Variants in KIF27 observed in about 807,000 individuals in gnomAD.
KIF27 encodes kinesin-like protein KIF27.
KIF27 carries 84 observed loss-of-function variants against 141.8 expected under a neutral mutation model. The observed-to-expected ratio is 0.59, with a 90% CI of 0.50 to 0.71. KIF27 has a LOEUF of 0.71. Ranked by LOEUF, KIF27 falls within the 30% of genes least tolerant of loss-of-function variation. KIF27 has a pLI of 0.00. For missense variants in KIF27, 1,306 were observed against 1,628.4 expected, an observed-to-expected ratio of 0.80 and a Z score of 3.41; for synonymous variants, 471 against 569.5, an observed-to-expected ratio of 0.83 and a Z score of 2.46.
At chr9:83,910,051 CTAAATACA>C (rs1954981512) in intron 2 of KIF27, among the ~76,000 whole-genome samples, 1 of 129,676 alleles carries the variant, frequency 7.7e-6, no homozygotes, top group Non-Finnish European at 1.6e-5. Context: ...GACCCTTTCT[CTAAATACA>C]TACATACATA....
At chr9:83,840,784 T>A (rs3095764) in intron 17 of KIF27, among the ~76,000 whole-genome samples, 2 of 152,264 alleles carry the variant, frequency 1.3e-5, no homozygotes, top group Non-Finnish European at 2.9e-5. Context: ...TGTATTACTA[T>A]ACTGAGAATC....
In KIF27 at chr9:83,908,481, T is replaced by C. The variant is rs1168950204; in HGVS notation, c.470A>G (p.His157Arg). ...GTTTCCTTTTTCATCTTCTCGGATGTGAAGATCCTTCATGGATGTCTCCAA... is the reference window on the plus strand; with the variant it reads ...GTTTCCTTTTTCATCTTCTCGGATGCGAAGATCCTTCATGGATGTCTCCAA... The part of the protein sequence containing the change: ...LELETSMKDL[H>R]IREDEKGNTV... The change falls in exon 3 of 18, where the codon CAC becomes CGC. Residue 157 changes from histidine (H) to arginine (R), a missense_variant. Transcript: ENST00000297814. 1.9e-6 allele frequency: 3 copies of C among 1,611,318 alleles called. No homozygotes were observed. The highest frequency in any genetic ancestry group is 1.7e-6 in the Non-Finnish European group (2 of 1,178,390).
chr9:83,889,249 T>C lies in KIF27; in HGVS notation c.1814A>G (p.His605Arg), dbSNP rs1273240986. Residue 605 changes from histidine (H) to arginine (R), a missense_variant, in exon 7 of 18, where the codon CAC becomes CGC. By Grantham distance (29) the His-to-Arg change is conservative. This residue lies in a region of KIF27 where 596 missense variants were observed against 751.6 expected (regional missense o/e 0.79). Transcript: ENST00000297814. The part of the protein sequence containing the change: ...IPSRQDSRKV[H>R]TSPPMYSLDR... Reference sequence around the variant, plus strand: ...CAGAGAGTACATAGGCGGACTTGTGTGGACCTTGCAAGTGATTCCCCCACC... The same window carrying C: ...CAGAGAGTACATAGGCGGACTTGTGCGGACCTTGCAAGTGATTCCCCCACC... 1.9e-6 allele frequency: 3 copies of C among 1,599,468 alleles called. No individual in the cohort carries two copies. The African/African-American group carries it at 4.0e-5, about 21-fold the overall frequency.
At chr9:83,914,272 TTC>T (rs1955478167) in intron 2 of KIF27, among the ~76,000 whole-genome samples, 1 of 151,344 alleles carries the variant, frequency 6.6e-6, no homozygotes, top group Non-Finnish European at 1.5e-5. Context: ...AAAAACTGAA[TTC>T]TTTTTATTGT....
intron 9 of KIF27, among the ~76,000 whole-genome samples, chr9:83,886,222 T>C (rs1270270759): frequency 6.6e-6 from 1 of 152,160 alleles, no homozygotes; most frequent in Admixed American, 6.5e-5. Flanking sequence ...ATTTACCCAA[T>C]AGAATCAATG....
intron 12 of KIF27, among the ~76,000 whole-genome samples, chr9:83,869,340 A>G (rs182828946): frequency 2.6e-5 from 4 of 152,240 alleles, no homozygotes; most frequent in African/African-American, 9.6e-5. Context: ...GTGGATTATG[A>G]CTTTCTTTTT....
At chr9:83,850,480 T>C (rs9410887) in intron 15 of KIF27, among the ~76,000 whole-genome samples, 183 bp from the exon 16 acceptor site, 44,704 of 151,842 alleles carry the variant, frequency 0.29, 6,900 homozygotes, top group African/African-American at 0.39. Context: ...AACAGCCTTT[T>C]GAATTTGTTG....
chr9:83,853,539 T>C, intron 15 of KIF27, 90 bp downstream of exon 15: 1 of 851,284 alleles, frequency 1.2e-6, no homozygotes, highest in South Asian at 1.7e-5. Flanking sequence ...TTTAAGCCTT[T>C]CAATTTCTTT....
At chr9:83,864,555 C>A (rs1950200040) in intron 13 of KIF27, among the ~76,000 whole-genome samples, 1 of 152,206 alleles carries the variant, frequency 6.6e-6, no homozygotes, top group Admixed American at 6.5e-5. Context: ...GTTATAATTT[C>A]TATTCTTTTA....
At chr9:83,904,315 C>A (rs868058733) in intron 3 of KIF27, among the ~76,000 whole-genome samples, 24 of 152,146 alleles carry the variant, frequency 1.6e-4, no homozygotes, top group Middle Eastern at 3.2e-3. Flanking sequence ...CTTAAAATGA[C>A]TGACAAAAGA....
chr9:83,895,613 CTATT>C (rs1276004189), intron 5 of KIF27, among the ~76,000 whole-genome samples: 1 of 150,726 alleles, frequency 6.6e-6, no homozygotes, highest in Non-Finnish European at 1.5e-5. Context: ...TAGAATCCAA[CTATT>C]TAAAGTATAC....
chr9:83,901,054 G>A (rs955224713), intron 4 of KIF27, among the ~76,000 whole-genome samples: 11 of 152,116 alleles, frequency 7.2e-5, no homozygotes, highest in African/African-American at 2.4e-4. Context: ...GAACTCCTGG[G>A]CTCAAGTAAT....
intron 3 of KIF27, among the ~76,000 whole-genome samples, chr9:83,907,168 T>C (rs1391281228): frequency 2.0e-5 from 3 of 151,526 alleles, no homozygotes; most frequent in Non-Finnish European, 4.4e-5. Flanking sequence ...CGGGCGCCTG[T>C]AGTCCCAGCT....
Position 83,875,198 on chromosome 9 carries a change from G to A in KIF27, c.2644-4566C>T, listed in dbSNP as rs566893905. ...CTAAAACAAAACAGACTAAGTTGTT[G>A]GCAGAAGAAATGAAAATTGGACAGA... On this transcript the variant is annotated intron_variant, in intron 11 of 17. Coordinates refer to ENST00000297814, the MANE Select transcript of KIF27 (RefSeq NM_017576.4). 1.1e-4 allele frequency among the ~76,000 whole-genome samples: 17 copies of A among 152,256 alleles called. No homozygotes were observed. The South Asian group carries it at 3.3e-3, about 30-fold the overall frequency.
At chr9:83,845,506 A>G (rs887001900) in intron 16 of KIF27, among the ~76,000 whole-genome samples, 3 of 152,298 alleles carry the variant, frequency 2.0e-5, no homozygotes, top group African/African-American at 4.8e-5. Context: ...CGATGGCCTC[A>G]TGGGGAGTTC....
intron 14 of KIF27, among the ~76,000 whole-genome samples, chr9:83,857,194 A>C (rs1006732706): frequency 2.0e-5 from 3 of 152,222 alleles, no homozygotes; most frequent in African/African-American, 7.2e-5. Flanking sequence ...AAAATTAGGA[A>C]AAATATTTTA....
rs139545866 is a variant in KIF27, at chr9:83,908,778, G to A, written c.299-126C>T. On this transcript the variant is annotated intron_variant, in intron 2 of 17. Transcript: ENST00000297814. ...TATAACTTTTTTTTTTTTTGGCGGG[G>A]GGACGGAGTCTTGCTCTGTTGCCCA... The A allele has an allele frequency of 1.2e-3, 577 of 471,232 alleles. 6 individuals carry two copies. The East Asian group carries it at 0.02, about 16-fold the overall frequency. The allele number at this position is 471,232 out of a possible 1,614,324, so 29.2% of individuals were successfully genotyped here. A position where few individuals can be genotyped will look rare whatever the true frequency, so the allele number is the denominator to read the frequency against.
At chr9:83,848,395 CTATATATGCA>C (rs1212907870) in intron 16 of KIF27, among the ~76,000 whole-genome samples, 1 of 133,302 alleles carries the variant, frequency 7.5e-6, no homozygotes, top group Non-Finnish European at 1.5e-5. Flanking sequence ...ATCATATATG[CTATATATGCA>C]TATATGATAT....
chr9:83,848,318 T>TATATGATATATATGATATATC (rs1564287838), intron 16 of KIF27, among the ~76,000 whole-genome samples: 1 of 107,114 alleles, frequency 9.3e-6, no homozygotes, highest in Non-Finnish European at 1.8e-5. Context: ...TGATATATCA[T>TATATGATATATATGATATATC]ATATCTATAT....
Sources: gnomAD v4.1 joint callset for allele counts (sites outside exome capture counted in the v4.1 genomes callset) on GRCh38, gnomAD v4.1.1 for gene constraint, gnomAD v4.1.1 regional missense constraint, MANE v1.5 for transcripts, NCBI Gene and HGNC (gene_info 2026-07-23, HGNC 2026-07-21) for gene names.